The following KLF12 variants were observed in gnomAD, a reference collection of about 807,000 sequenced individuals.
KLF12 encodes the protein Krueppel-like factor 12.
A neutral mutation model predicts 37.8 loss-of-function variants in KLF12; 9 were observed. That is an observed-to-expected ratio of 0.24 (90% CI 0.14 to 0.42). The LOEUF is 0.42. KLF12 is among the 10% of genes least tolerant of loss of function. The pLI, the probability that KLF12 is intolerant of heterozygous loss-of-function variation, is 1.00. For missense variants in KLF12, 411 were observed against 516.0 expected (o/e 0.80, Z 1.97); for synonymous variants, 208 against 202.1 (o/e 1.03, Z -0.25).
At chr13:74,244,699 T>G in the KLF12 span, among the ~76,000 whole-genome samples, 1 of 152,226 alleles carries the variant, frequency 6.6e-6, no homozygotes, top group Non-Finnish European at 1.5e-5. Flanking sequence ...GTATTTATAG[T>G]ATCCCTTCAT....
At chr13:74,066,761 G>A (rs556646878) in intron 1 of KLF12, among the ~76,000 whole-genome samples, 2 of 152,222 alleles carry the variant, frequency 1.3e-5, no homozygotes, top group East Asian at 3.9e-4. Flanking sequence ...AAATATCAAA[G>A]ATAGCTGTCT....
At chr13:74,201,295 A>T in the KLF12 span, among the ~76,000 whole-genome samples, 3 of 152,124 alleles carry the variant, frequency 2.0e-5, no homozygotes, top group Non-Finnish European at 4.4e-5. Context: ...TGTCTACAAC[A>T]CCAGTCTGTA....
intron 4 of KLF12, among the ~76,000 whole-genome samples, chr13:73,823,142 C>T (rs1172600096): frequency 6.6e-6 from 1 of 152,068 alleles, no homozygotes; most frequent in Non-Finnish European, 1.5e-5. Context: ...TCTGTTGCCC[C>T]TATCTGTGTT....
chr13:74,172,438 A>G, the KLF12 span, among the ~76,000 whole-genome samples: 1 of 152,222 alleles, frequency 6.6e-6, no homozygotes, highest in Non-Finnish European at 1.5e-5. Flanking sequence ...AGTGGCTCCA[A>G]TGCCAATTGA....
chr13:73,798,151 C>G (rs760235621), intron 5 of KLF12, among the ~76,000 whole-genome samples: 4 of 152,212 alleles, frequency 2.6e-5, no homozygotes, highest in Non-Finnish European at 4.4e-5. Context: ...TTTGAGCTGA[C>G]AGAAACGAGC....
chr13:74,069,465 A>G (rs1874101555), intron 1 of KLF12, among the ~76,000 whole-genome samples: 1 of 152,220 alleles, frequency 6.6e-6, no homozygotes, highest in Non-Finnish European at 1.5e-5. Flanking sequence ...CTGACAGATC[A>G]TACGTGCAAA....
intron 1 of KLF12, among the ~76,000 whole-genome samples, chr13:74,112,293 G>A (rs1489329624): frequency 6.7e-6 from 1 of 148,792 alleles, no homozygotes; most frequent in East Asian, 2.0e-4. Flanking sequence ...TGGCCCTTAC[G>A]CAAGTTTACT....
In KLF12 at chr13:73,945,962, G is replaced by C. The variant is rs556337482; in HGVS notation, c.34-1892C>G. ...TGTGGGTTGTTTTCACATGGGGCAG[G>C]GATCTCAAATCCTAATGTGTCACTG... On this transcript the variant is annotated intron_variant, in intron 2 of 7. Coordinates refer to ENST00000377669, the MANE Select transcript of KLF12 (RefSeq NM_007249.5). Among the ~76,000 whole-genome samples, 4 of 152,256 alleles carry C rather than the reference G, an allele frequency of 2.6e-5. No individual in the cohort carries two copies. In the East Asian group the frequency reaches 7.8e-4, roughly 30 times the overall value.
the KLF12 span, among the ~76,000 whole-genome samples, chr13:74,178,880 C>T: frequency 6.6e-6 from 1 of 152,100 alleles, no homozygotes; most frequent in South Asian, 2.1e-4. Flanking sequence ...TCCATTTTTG[C>T]CTCACCCCCA....
intron 1 of KLF12, among the ~76,000 whole-genome samples, chr13:74,092,111 A>G (rs1875701738): frequency 6.6e-6 from 1 of 151,630 alleles, no homozygotes; most frequent in South Asian, 2.1e-4. Flanking sequence ...AACACGGTGA[A>G]ACCCCGTCTC....
In KLF12 at chr13:73,868,421, C is replaced by T. The variant is rs375764373; in HGVS notation, c.124-22048G>A. Among the ~76,000 whole-genome samples, 8 of 151,580 alleles carry T rather than the reference C, an allele frequency of 5.3e-5. No individual in the cohort carries two copies. The East Asian group carries it at 9.8e-4, about 18-fold the overall frequency. ...GTTTTTTGTTTTTGAGACAGAGTCT[C>T]ACTGTCACCCCCAGGCTGGAGTCCA... On this transcript the variant is annotated intron_variant, in intron 3 of 7. Coordinates refer to ENST00000377669, the MANE Select transcript of KLF12 (RefSeq NM_007249.5).
chr13:74,300,303 A>G, the KLF12 span, among the ~76,000 whole-genome samples: 5 of 152,128 alleles, frequency 3.3e-5, no homozygotes, highest in Non-Finnish European at 5.9e-5. Flanking sequence ...TGTTTTAGAG[A>G]TTGTTCTTGA....
intron 1 of KLF12, among the ~76,000 whole-genome samples, chr13:74,033,306 T>C (rs930277928): frequency 6.6e-6 from 1 of 152,230 alleles, no homozygotes; most frequent in African/African-American, 2.4e-5. Flanking sequence ...CCTTTTATTA[T>C]ACATGCACAT....
chr13:73,879,073 C>A (rs191737254), intron 3 of KLF12, among the ~76,000 whole-genome samples: 1 of 152,290 alleles, frequency 6.6e-6, no homozygotes, highest in East Asian at 1.9e-4. Flanking sequence ...GAACTTTCCA[C>A]AGCCCACAAG....
chr13:73,776,137 T>C (rs1808186976), intron 5 of KLF12, among the ~76,000 whole-genome samples: 2 of 152,214 alleles, frequency 1.3e-5, no homozygotes, highest in African/African-American at 4.8e-5. Flanking sequence ...AATAATGTGT[T>C]AAAAAGAAAT....
the KLF12 span, among the ~76,000 whole-genome samples, chr13:74,260,920 C>G: frequency 7.9e-5 from 12 of 151,976 alleles, no homozygotes; most frequent in Non-Finnish European, 1.5e-4. Context: ...ATGAAAAAAG[C>G]AAACTAAATA....
intron 3 of KLF12, among the ~76,000 whole-genome samples, chr13:73,851,137 C>G (rs114158474): frequency 2.0e-5 from 3 of 152,102 alleles, no homozygotes; most frequent in Non-Finnish European, 4.4e-5. Context: ...TTAAGTAATA[C>G]TGAGAAATGA....
chr13:73,821,295 A>C (rs918783711), intron 4 of KLF12, among the ~76,000 whole-genome samples: 4 of 152,186 alleles, frequency 2.6e-5, no homozygotes, highest in African/African-American at 9.7e-5. Context: ...GCTATCTCAG[A>C]AGGGATGAAT....
chr13:73,806,159 C>T (rs1274109104), intron 5 of KLF12, among the ~76,000 whole-genome samples: 1 of 148,050 alleles, frequency 6.8e-6, no homozygotes, highest in East Asian at 2.0e-4. Context: ...GTTGCCCAGG[C>T]TGGAGTGCAT....
Sources: allele counts gnomAD v4.1 joint callset (sites outside exome capture counted in the v4.1 genomes callset), GRCh38; gene constraint gnomAD v4.1.1; transcripts MANE v1.5; gene names NCBI Gene and HGNC (gene_info 2026-07-23, HGNC 2026-07-21).